ALPK1: variants seen among roughly 807,000 people sequenced by gnomAD.
ALPK1 encodes alpha kinase 1.
In ALPK1, 110 loss-of-function variants were observed where a neutral mutation model predicts 120.6. The observed-to-expected ratio is 0.91, with a 90% confidence interval of 0.78 to 1.07. The LOEUF (loss-of-function observed/expected upper bound fraction) is 1.07. Ranked by LOEUF, ALPK1 falls within the 50% of genes least tolerant of loss-of-function variation. ALPK1 has a pLI of 0.00. For synonymous variants in ALPK1, 582 were observed against 560.3 expected (o/e 1.04, Z -0.55); for missense variants, 1,498 against 1,483.9 (o/e 1.01, Z -0.16).
At chr4:112,332,682 A>C (rs1356168278) in intron 2 of ALPK1, among the ~76,000 whole-genome samples, 1 of 152,214 alleles carries the variant, frequency 6.6e-6, no homozygotes, top group Non-Finnish European at 1.5e-5. Context: ...AACTTGGAAA[A>C]TAAATACAGG....
chr4:112,422,928 G>T (rs985868748), intron 5 of ALPK1, among the ~76,000 whole-genome samples: 7 of 152,232 alleles, frequency 4.6e-5, no homozygotes, highest in Admixed American at 4.6e-4. Flanking sequence ...TTAACGCCCA[G>T]ACTTCTGCCA....
chr4:112,438,685 TC>T (rs1734894718), intron 13 of ALPK1, 39 bp downstream of exon 13: 1 of 1,594,372 alleles, frequency 6.3e-7, no homozygotes, highest in Non-Finnish European at 8.6e-7. Flanking sequence ...ATCTTCCAAA[TC>T]ACACTTGAAT....
chr4:112,303,715 C>G lies in ALPK1; in HGVS notation c.-153+6246C>G, dbSNP rs1727891492. On this transcript the variant is annotated intron_variant, in intron 1 of 15. Transcript: ENST00000650871. ...CAGCGACATGCTTCCCCAGCCACAT[C>G]TTTTTTTTTTTTAATCATACTTTAA... Among the ~76,000 whole-genome samples the G allele has an allele frequency of 2.1e-5, 3 of 144,406 alleles. No individual in the cohort carries two copies. In the South Asian group the frequency reaches 6.6e-4, roughly 32 times the overall value. The allele number at this position is 144,406 out of a possible 152,430, so 94.7% of individuals were successfully genotyped here. A position where few individuals can be genotyped will look rare whatever the true frequency, so the allele number is the denominator to read the frequency against.
chr4:112,395,540 T>C (rs1198576848), intron 4 of ALPK1, among the ~76,000 whole-genome samples: 1 of 152,246 alleles, frequency 6.6e-6, no homozygotes, highest in Non-Finnish European at 1.5e-5. Flanking sequence ...TTTATTTATT[T>C]AATGATATAC....
chr4:112,338,937 A>T (rs1729744907), intron 2 of ALPK1, among the ~76,000 whole-genome samples: 1 of 152,228 alleles, frequency 6.6e-6, no homozygotes, highest in Non-Finnish European at 1.5e-5. Flanking sequence ...AAACCCATTT[A>T]ACACCAAACT....
intron 2 of ALPK1, chr4:112,359,872 C>G (rs1010412524): frequency 1.0e-4 from 30 of 298,750 alleles, no homozygotes; most frequent in African/African-American, 4.5e-4. Flanking sequence ...CCTGCCTGTC[C>G]AGCTCTGGTG....
chr4:112,436,102 A>G (rs906496517), intron 12 of ALPK1, among the ~76,000 whole-genome samples: 3 of 152,240 alleles, frequency 2.0e-5, no homozygotes, highest in Non-Finnish European at 4.4e-5. Context: ...TGGCCTTGTT[A>G]TTTGCTCAAA....
Position 112,435,213 on chromosome 4 carries a change from T to G in ALPK1, c.3100T>G (p.Leu1034Val), listed in dbSNP as rs1482666505. The change falls in exon 12 of 16, where the codon TTG (leucine) becomes GTG (valine). Residue 1034 changes from leucine to valine, a missense_variant. Coordinates refer to ENST00000650871, the MANE Select transcript of ALPK1 (RefSeq NM_025144.4). ...LWTAQETIVY[L>V]GDYLTVKKKG... ...GACGGCCCAGGAAACTATTGTCTAT[T>G]TGGGGGACTACTTGACTGTGAAGAA... 1 of 1,613,726 alleles carries G rather than the reference T, an allele frequency of 6.2e-7. No individual in the cohort carries two copies. Among genetic ancestry groups the G allele is most frequent in the Non-Finnish European group, 8.5e-7 (1 of 1,179,862 alleles).
Position 112,432,306 on chromosome 4 carries a change from G to A in ALPK1, c.2759G>A (p.Cys920Tyr). 6.2e-7 allele frequency: 1 copy of A among 1,614,196 alleles called. No individual in the cohort carries two copies. The highest frequency in any genetic ancestry group is 8.5e-7 in the Non-Finnish European group (1 of 1,180,036). Residue 920 changes from cysteine to tyrosine, a missense_variant, in exon 11 of 16, where the codon TGC (cysteine) becomes TAC (tyrosine). Cys to Tyr is a radical substitution (Grantham distance 194, BLOSUM62 -2). Coordinates refer to ENST00000650871, the MANE Select transcript of ALPK1 (RefSeq NM_025144.4). ...EGNQPGNMLN[C>Y]SQNSSSSSVW... ...AATCAGCCTGGAAACATGCTAAACT[G>A]CAGCCAGAACTCCAGCTCATCCTCA...
At chr4:112,325,352 T>C (rs1279974977) in intron 2 of ALPK1, among the ~76,000 whole-genome samples, 2 of 152,196 alleles carry the variant, frequency 1.3e-5, no homozygotes, top group Non-Finnish European at 2.9e-5. Context: ...AAAGATCATA[T>C]GAATAAATAT....
rs1334665877 is a variant in ALPK1, at chr4:112,441,050, A to C, written c.3672A>C (p.Glu1224Asp). ...IFYFFNNQHV[E>D]CNEICHRLSL... The stretch of plus-strand genomic sequence containing the variant: ...ACTTCTTTAATAACCAGCATGTGGA[A>C]TGTAATGAAATCTGCCATCGTCTTT... Residue 1224 changes from glutamate (E) to aspartate (D), a missense_variant, in exon 15 of 16, where the codon GAA (glutamate) becomes GAC (aspartate). Physicochemically the swap from Glu to Asp is conservative, Grantham distance 45 (BLOSUM62 2). Coordinates refer to ENST00000650871, the MANE Select transcript of ALPK1 (RefSeq NM_025144.4). 1 of 1,613,856 alleles carries C rather than the reference A, an allele frequency of 6.2e-7. No homozygotes were observed. The highest frequency in any genetic ancestry group is 8.5e-7 in the Non-Finnish European group (1 of 1,179,890).
chr4:112,388,156 T>C (rs538212601), intron 4 of ALPK1, among the ~76,000 whole-genome samples: 235 of 152,368 alleles, frequency 1.5e-3, no homozygotes, highest in African/African-American at 5.4e-3. Flanking sequence ...CTAATATGTC[T>C]CTTTGTATTA....
chr4:112,430,308 AT>A, intron 10 of ALPK1, 139 bp from the exon 11 acceptor site: 1 of 852,500 alleles, frequency 1.2e-6, no homozygotes, highest in East Asian at 2.7e-5. Flanking sequence ...TTGCCTGTAT[AT>A]TTTCCTTAGA....
At chr4:112,356,676 T>C (rs1227397192) in intron 2 of ALPK1, 6 of 963,968 alleles carry the variant, frequency 6.2e-6, no homozygotes, top group African/African-American at 1.6e-5. Flanking sequence ...GAGAAAAGCC[T>C]GGAGCAGGAG....
chr4:112,430,331 A>T, intron 10 of ALPK1, 117 bp from the exon 11 acceptor site: 2 of 1,009,942 alleles, frequency 2.0e-6, no homozygotes, highest in African/African-American at 1.6e-5. Context: ...TGTATGTGGC[A>T]TGTGTTCATT....
At chr4:112,419,674 G>A (rs1733903336) in intron 5 of ALPK1, among the ~76,000 whole-genome samples, 1 of 152,302 alleles carries the variant, frequency 6.6e-6, no homozygotes, top group Non-Finnish European at 1.5e-5. Flanking sequence ...ATGAGAATGT[G>A]AGGAAAGAAA....
chr4:112,362,653 A>G (rs1730963198), intron 2 of ALPK1, among the ~76,000 whole-genome samples: 1 of 152,232 alleles, frequency 6.6e-6, no homozygotes, highest in South Asian at 2.1e-4. Context: ...AAAGTTTGGA[A>G]AACACATTTA....
rs574496960 is a variant in ALPK1 at position 112,302,809 on chromosome 4, C to T, written c.-153+5340C>T. Reference sequence around the variant, plus strand: ...GTCTACTTCCCTTTCTCTCCTGTGCCTCTCAGCCACATTCCTCCATAGACA... The same window carrying T: ...GTCTACTTCCCTTTCTCTCCTGTGCTTCTCAGCCACATTCCTCCATAGACA... On this transcript the variant is annotated intron_variant, in intron 1 of 15. Transcript: ENST00000650871. Among the ~76,000 whole-genome samples the T allele has an allele frequency of 7.2e-5, 11 of 152,252 alleles. No homozygotes were observed. In the East Asian group the frequency reaches 1.9e-3, roughly 27 times the overall value.
chr4:112,363,455 A>G (rs1490577244), intron 2 of ALPK1, among the ~76,000 whole-genome samples: 1 of 152,236 alleles, frequency 6.6e-6, no homozygotes, highest in East Asian at 1.9e-4. Flanking sequence ...GTTAAAAAAG[A>G]AAAAGGAATA....
Sources: allele counts gnomAD v4.1 joint callset (sites outside exome capture counted in the v4.1 genomes callset), GRCh38; gene constraint gnomAD v4.1.1; transcripts MANE v1.5; gene names NCBI Gene and HGNC (gene_info 2026-07-23, HGNC 2026-07-21).